SUPT3H: variants seen among roughly 807,000 people sequenced by gnomAD.
SUPT3H encodes SPT3 homolog, SAGA and STAGA complex component.
SUPT3H carries 44 observed loss-of-function variants against 44.3 expected under a neutral mutation model. The ratio of observed to expected loss-of-function variants is 0.99; its 90% CI spans 0.78 to 1.28. SUPT3H has a LOEUF of 1.28. SUPT3H is among the 50% of genes most tolerant of loss of function. The probability of loss-of-function intolerance (pLI) is 0.00; values close to 1 mark genes in which losing one functional copy is unlikely to be tolerated. For synonymous variants in SUPT3H, 124 were observed against 125.6 expected, an observed-to-expected ratio of 0.99 and a Z score of 0.09; for missense variants, 380 against 387.1, an observed-to-expected ratio of 0.98 and a Z score of 0.15.
At chr6:45,256,447 C>T (rs1773423442) in intron 2 of SUPT3H, among the ~76,000 whole-genome samples, 1 of 152,086 alleles carries the variant, frequency 6.6e-6, no homozygotes, top group Admixed American at 6.5e-5. Flanking sequence ...GTATTAATCT[C>T]ATCGATGAGG....
intron 3 of SUPT3H, among the ~76,000 whole-genome samples, chr6:45,062,485 G>C (rs545857023): frequency 1.3e-5 from 2 of 152,134 alleles, no homozygotes; most frequent in African/African-American, 2.4e-5. Flanking sequence ...GAACAGCTCC[G>C]GTCTACAGCT....
At chr6:44,860,981 A>G (rs1358396499) in intron 10 of SUPT3H, among the ~76,000 whole-genome samples, 1 of 152,028 alleles carries the variant, frequency 6.6e-6, no homozygotes, top group Admixed American at 6.5e-5. Context: ...TATACTGCAG[A>G]AAAGAACTAG....
intron 2 of SUPT3H, among the ~76,000 whole-genome samples, chr6:45,118,035 C>T (rs74916136): frequency 0.018 from 2,670 of 152,142 alleles, 50 homozygotes; most frequent in South Asian, 0.085. Context: ...TAAGACACAA[C>T]TCTACTGAGA....
At chr6:44,935,515 T>TTA (rs1208819629) in intron 9 of SUPT3H, among the ~76,000 whole-genome samples, 1 of 152,194 alleles carries the variant, frequency 6.6e-6, no homozygotes, top group Non-Finnish European at 1.5e-5. Context: ...TGAGTCCTGT[T>TTA]TATAGAGTAT....
At chr6:44,826,580 G>A (rs1368568318), downstream of SUPT3H, among the ~76,000 whole-genome samples, 2 of 152,186 alleles carry the variant, frequency 1.3e-5, no homozygotes, top group Admixed American at 6.5e-5. Context: ...CAAATTCCAG[G>A]GGGGCAGATG....
At chr6:44,832,143 G>A (rs987283913) in intron 10 of SUPT3H, among the ~76,000 whole-genome samples, 2 of 147,370 alleles carry the variant, frequency 1.4e-5, no homozygotes, top group African/African-American at 4.9e-5. Context: ...GGCAATTATG[G>A]GAACGTCCCA....
intron 2 of SUPT3H, among the ~76,000 whole-genome samples, chr6:45,199,505 G>T (rs1352232405): frequency 6.6e-6 from 1 of 150,834 alleles, no homozygotes; most frequent in Non-Finnish European, 1.5e-5. Context: ...AAAGTCATTT[G>T]TTTTAGAATA....
intron 2 of SUPT3H, among the ~76,000 whole-genome samples, chr6:45,179,387 C>A (rs1218310845): frequency 2.0e-5 from 3 of 152,178 alleles, no homozygotes; most frequent in African/African-American, 4.8e-5. Context: ...ATGAGGCCAG[C>A]ATCATCCTGA....
chr6:45,082,895 C>T (rs1375364401), intron 3 of SUPT3H, among the ~76,000 whole-genome samples: 1 of 152,030 alleles, frequency 6.6e-6, no homozygotes, highest in African/African-American at 2.4e-5. Context: ...GACCAGAAGG[C>T]TCCTAGAAAT....
intron 3 of SUPT3H, among the ~76,000 whole-genome samples, chr6:45,023,913 A>AAAAAC (rs893702595): frequency 1.3e-5 from 2 of 152,168 alleles, no homozygotes; most frequent in South Asian, 2.1e-4. Context: ...AATAAAAGTT[A>AAAAAC]AAAACAAAAC....
chr6:45,132,988 C>T (rs1034263596), intron 2 of SUPT3H, among the ~76,000 whole-genome samples: 1 of 152,138 alleles, frequency 6.6e-6, no homozygotes, highest in African/African-American at 2.4e-5. Flanking sequence ...CTTACCAGTA[C>T]AAATATTGCC....
intron 4 of SUPT3H, among the ~76,000 whole-genome samples, chr6:45,018,741 C>T (rs1465258109): frequency 3.9e-5 from 6 of 151,932 alleles, no homozygotes; most frequent in Non-Finnish European, 5.9e-5. Flanking sequence ...CTGCTGGATT[C>T]AGTTTGCCAG....
chr6:45,299,822 G>A (rs6933742), intron 2 of SUPT3H, among the ~76,000 whole-genome samples: 147,376 of 151,830 alleles, frequency 0.97, 71,550 homozygotes, highest in East Asian at 1. Flanking sequence ...ACATACAAAA[G>A]TAGACTGATT....
intron 10 of SUPT3H, among the ~76,000 whole-genome samples, chr6:44,894,802 C>G (rs1264487305): frequency 6.6e-6 from 1 of 151,374 alleles, no homozygotes; most frequent in Non-Finnish European, 1.5e-5. Flanking sequence ...GCCAGGAAAA[C>G]CATGTTAATA....
At chr6:45,245,320 T>C (rs1289662073) in intron 2 of SUPT3H, among the ~76,000 whole-genome samples, 1 of 152,118 alleles carries the variant, frequency 6.6e-6, no homozygotes, top group Non-Finnish European at 1.5e-5. Context: ...ATTGTAACCA[T>C]TCTTAAGGTT....
chr6:44,841,405 A>T (rs1022479000), intron 10 of SUPT3H, among the ~76,000 whole-genome samples: 4 of 152,164 alleles, frequency 2.6e-5, no homozygotes, highest in Non-Finnish European at 5.9e-5. Flanking sequence ...CTATTTTTTT[A>T]AAGCCTCACC....
intron 2 of SUPT3H, among the ~76,000 whole-genome samples, chr6:45,217,171 A>G (rs1765198397): frequency 2.0e-5 from 3 of 152,156 alleles, no homozygotes; most frequent in Non-Finnish European, 2.9e-5. Flanking sequence ...AAGTTTCTAC[A>G]TTTCCTTAGA....
chr6:45,258,459 C>G (rs888919969), intron 2 of SUPT3H, among the ~76,000 whole-genome samples: 22 of 152,160 alleles, frequency 1.4e-4, no homozygotes, highest in African/African-American at 4.8e-5. Flanking sequence ...TCAGTCAAAT[C>G]AATAGTATCT....
rs138412827 is a variant in SUPT3H, at chr6:45,332,717, C to T, written c.101+32484G>A. 2.6e-5 allele frequency among the ~76,000 whole-genome samples: 4 copies of T among 151,812 alleles called. No individual in the cohort carries two copies. The East Asian group carries it at 7.7e-4, about 29-fold the overall frequency. ...AGCATCTATTAAAAATATATAAAAA[C>T]ATGTGACCAAATAGACAAATGCCAT... is the stretch of plus-strand genomic sequence containing the variant. On this transcript the variant is annotated intron_variant, in intron 2 of 10. Transcript: ENST00000371459.
Sources: gnomAD v4.1 joint callset for allele counts (sites outside exome capture counted in the v4.1 genomes callset) on GRCh38, gnomAD v4.1.1 for gene constraint, MANE v1.5 for transcripts, NCBI Gene and HGNC (gene_info 2026-07-23, HGNC 2026-07-21) for gene names.